MARCHF1: variants seen among roughly 807,000 people sequenced by gnomAD.
MARCHF1 encodes the protein E3 ubiquitin-protein ligase MARCHF1.
Under a neutral mutation model 54.2 loss-of-function variants are expected in MARCHF1, and 40 were observed. The observed-to-expected ratio is 0.74, with a 90% CI of 0.57 to 0.96. The LOEUF (loss-of-function observed/expected upper bound fraction) is 0.96. Ranked by LOEUF, MARCHF1 falls within the 40% of genes least tolerant of loss-of-function variation. MARCHF1 has a pLI of 0.00. For missense variants in MARCHF1, 586 were observed against 656.5 expected (o/e 0.89, Z 1.17); for synonymous variants, 236 against 236.3 (o/e 1.00, Z 0.01).
At chr4:163,819,773 C>T (rs1434676629) in intron 4 of MARCHF1, among the ~76,000 whole-genome samples, 2 of 152,130 alleles carry the variant, frequency 1.3e-5, no homozygotes, top group Non-Finnish European at 2.9e-5. Flanking sequence ...TATGCACCTA[C>T]ACTTTCTGTC....
intron 5 of MARCHF1, among the ~76,000 whole-genome samples, chr4:163,634,204 C>T (rs2111005417): frequency 6.6e-6 from 1 of 151,984 alleles, no homozygotes; most frequent in Admixed American, 6.5e-5. Context: ...AGCAAAATAA[C>T]CAGCTAACAT....
At chr4:164,296,059 T>C (rs1272366186) in intron 1 of MARCHF1, among the ~76,000 whole-genome samples, 1 of 152,200 alleles carries the variant, frequency 6.6e-6, no homozygotes, top group Non-Finnish European at 1.5e-5. Context: ...ATTCCCAGCC[T>C]TATTTCTGTA....
intron 1 of MARCHF1, among the ~76,000 whole-genome samples, chr4:164,207,454 A>C (rs928255234): frequency 1.3e-5 from 2 of 152,258 alleles, no homozygotes; most frequent in African/African-American, 4.8e-5. Context: ...CAATAAATGT[A>C]TAAATATAAA....
At chr4:164,091,100 G>A (rs1755289593) in intron 2 of MARCHF1, among the ~76,000 whole-genome samples, 1 of 151,878 alleles carries the variant, frequency 6.6e-6, no homozygotes, top group Non-Finnish European at 1.5e-5. Flanking sequence ...AAAGAAATAA[G>A]GTCACACCAA....
intron 1 of MARCHF1, among the ~76,000 whole-genome samples, chr4:164,127,331 A>G (rs565341102): frequency 2.0e-5 from 3 of 152,330 alleles, no homozygotes; most frequent in African/African-American, 7.2e-5. Flanking sequence ...GTTTTTTATT[A>G]AAAGAGAAGA....
At chr4:164,031,564 C>G (rs1379593554) in intron 2 of MARCHF1, among the ~76,000 whole-genome samples, 2 of 151,762 alleles carry the variant, frequency 1.3e-5, no homozygotes, top group Admixed American at 6.6e-5. Context: ...TTATCAAAGG[C>G]CTTTTCTGTA....
At chr4:164,297,944 T>TA (rs1317032131) in intron 1 of MARCHF1, among the ~76,000 whole-genome samples, 1 of 152,168 alleles carries the variant, frequency 6.6e-6, no homozygotes, top group Non-Finnish European at 1.5e-5. Context: ...TCTCCTCAAT[T>TA]TAAAACCTTA....
chr4:163,779,124 A>G (rs1016908854), intron 4 of MARCHF1, among the ~76,000 whole-genome samples: 1 of 152,218 alleles, frequency 6.6e-6, no homozygotes, highest in Non-Finnish European at 1.5e-5. Context: ...AATATGAAAT[A>G]TGCTACATGG....
intron 1 of MARCHF1, among the ~76,000 whole-genome samples, chr4:164,365,703 T>C (rs6854808): frequency 0.056 from 8,534 of 152,110 alleles, 754 homozygotes; most frequent in East Asian, 0.25. Context: ...ATGTCCCCAA[T>C]GTCAGAGGCC....
chr4:164,133,545 T>C (rs532647081), intron 1 of MARCHF1, among the ~76,000 whole-genome samples: 1 of 152,110 alleles, frequency 6.6e-6, no homozygotes, highest in Non-Finnish European at 1.5e-5. Flanking sequence ...TAAACACAAA[T>C]CTACGGTGCA....
At chr4:163,926,415 A>G (rs1751540156) in intron 3 of MARCHF1, among the ~76,000 whole-genome samples, 3 of 151,578 alleles carry the variant, frequency 2.0e-5, no homozygotes, top group Admixed American at 6.6e-5. Context: ...TTTTTTCAGT[A>G]ACAGAACATG....
At chr4:164,226,096 C>G (rs1001805214) in intron 1 of MARCHF1, among the ~76,000 whole-genome samples, 2 of 151,794 alleles carry the variant, frequency 1.3e-5, no homozygotes, top group Non-Finnish European at 2.9e-5. Flanking sequence ...TTCTCGTATT[C>G]TCCTTGGAGA....
intron 2 of MARCHF1, among the ~76,000 whole-genome samples, chr4:164,017,478 T>C (rs1213958570): frequency 6.6e-6 from 1 of 151,982 alleles, no homozygotes; most frequent in Non-Finnish European, 1.5e-5. Context: ...ATTACACAAT[T>C]GAAAACCAAT....
rs1156605356 is a variant in MARCHF1 at position 164,050,261 on chromosome 4, C to A, written c.-248+61327G>T. ...CTGCATTCCAGCCTGGGCGACGGAG[C>A]GAGACACTGTCTCCAAAAAAAAAAA... On this transcript the variant is annotated intron_variant, in intron 2 of 9. Coordinates refer to ENST00000514618, the MANE Select transcript of MARCHF1 (RefSeq NM_001394959.1). Among the ~76,000 whole-genome samples, 5 of 105,942 alleles carry A rather than the reference C, an allele frequency of 4.7e-5. No homozygotes were observed. In the Admixed American group the frequency reaches 7.9e-4, roughly 17 times the overall value. 69.5% of individuals were successfully genotyped at this position (105,942 alleles called of 152,430 possible).
Position 163,528,714 on chromosome 4 carries a change from T to A in MARCHF1, c.*34A>T, listed in dbSNP as rs754047868. 5.7e-6 allele frequency: 9 copies of A among 1,568,946 alleles called. No homozygotes were observed. In the South Asian group the frequency reaches 9.6e-5, roughly 17 times the overall value. ...TTGTAGTGGCTGAGGGCTAGAAAGATATTCTTCGGTGAAGAAACTCCCAAC... is the reference window on the plus strand; with the variant it reads ...TTGTAGTGGCTGAGGGCTAGAAAGAAATTCTTCGGTGAAGAAACTCCCAAC... On this transcript the variant is annotated 3_prime_UTR_variant, in exon 10 of 10. Coordinates refer to ENST00000514618, the MANE Select transcript of MARCHF1 (RefSeq NM_001394959.1).
chr4:164,061,839 A>C (rs1380790208), intron 2 of MARCHF1, among the ~76,000 whole-genome samples: 1 of 152,174 alleles, frequency 6.6e-6, no homozygotes, highest in African/African-American at 2.4e-5. Context: ...GCTGGTGGAC[A>C]ATCTATCCCT....
chr4:163,657,926 G>GTTA (rs1743208475), intron 5 of MARCHF1, among the ~76,000 whole-genome samples: 2 of 152,052 alleles, frequency 1.3e-5, no homozygotes, highest in Non-Finnish European at 2.9e-5. Context: ...ATGGATTAAA[G>GTTA]ACTTAAATGT....
chr4:163,896,036 G>T (rs1457391650), intron 3 of MARCHF1, among the ~76,000 whole-genome samples: 1 of 152,104 alleles, frequency 6.6e-6, no homozygotes, highest in Non-Finnish European at 1.5e-5. Context: ...AAATAAAAAT[G>T]ATATTCTAAA....
intron 4 of MARCHF1, among the ~76,000 whole-genome samples, chr4:163,820,634 T>A (rs941134588): frequency 1.3e-5 from 2 of 151,954 alleles, no homozygotes; most frequent in African/African-American, 4.8e-5. Context: ...TCCAGACTAC[T>A]GTTCTTTATT....
Sources: allele counts gnomAD v4.1 joint callset (sites outside exome capture counted in the v4.1 genomes callset), GRCh38; gene constraint gnomAD v4.1.1; transcripts MANE v1.5; gene names NCBI Gene and HGNC (gene_info 2026-07-23, HGNC 2026-07-21).